RB1: variants seen among roughly 807,000 people sequenced by gnomAD.
The protein encoded by RB1 is retinoblastoma-associated protein.
A neutral mutation model predicts 135.4 loss-of-function variants in RB1; 18 were observed. The ratio of observed to expected loss-of-function variants is 0.13; its 90% CI spans 0.09 to 0.20. The LOEUF is 0.20. Among genes scored for constraint, RB1 ranks in the 10% least tolerant of loss-of-function variants. RB1 has a pLI of 1.00. For synonymous variants in RB1, 365 were observed against 373.2 expected, an observed-to-expected ratio of 0.98 and a Z score of 0.25; for missense variants, 868 against 1,110.0, an observed-to-expected ratio of 0.78 and a Z score of 3.10.
intron 20 of RB1, among the ~76,000 whole-genome samples, chr13:48,460,542 T>A (rs1483336374): frequency 1.3e-5 from 2 of 152,222 alleles, no homozygotes; most frequent in East Asian, 3.8e-4. Context: ...GAAAAAAGCA[T>A]GAGACTTAAG....
At chr13:48,456,737 C>A (rs1949363050) in intron 19 of RB1, among the ~76,000 whole-genome samples, 1 of 152,252 alleles carries the variant, frequency 6.6e-6, no homozygotes, top group African/African-American at 2.4e-5. Flanking sequence ...TGCCCACAGT[C>A]AGAAATGCTG....
At chr13:48,332,895 A>G (rs1416892692) in intron 2 of RB1, 1 of 395,450 alleles carries the variant, frequency 2.5e-6, no homozygotes, top group East Asian at 3.6e-5. Flanking sequence ...TACCTGCATT[A>G]AAGTTTAATT....
chr13:48,477,551 CT>C (rs1357046416), intron 26 of RB1, 147 bp downstream of exon 26: 122 of 705,124 alleles, frequency 1.7e-4, no homozygotes, highest in Admixed American at 4.0e-4. Flanking sequence ...GGTTATTTAT[CT>C]ACAAACATTT....
chr13:48,316,350 C>A (rs1290971614), intron 2 of RB1, among the ~76,000 whole-genome samples: 1 of 152,138 alleles, frequency 6.6e-6, no homozygotes, highest in Non-Finnish European at 1.5e-5. Flanking sequence ...CTGAGCGATT[C>A]CCGGGGAGGG....
At chr13:48,361,926 T>C (rs1952644717) in intron 7 of RB1, among the ~76,000 whole-genome samples, 1 of 148,224 alleles carries the variant, frequency 6.7e-6, no homozygotes, top group Admixed American at 7.0e-5. Context: ...ATACTTTTTA[T>C]ACTTAATCAT....
intron 17 of RB1, among the ~76,000 whole-genome samples, chr13:48,442,401 C>T (rs1593520896): frequency 6.6e-6 from 1 of 151,998 alleles, no homozygotes; most frequent in African/African-American, 2.4e-5. Flanking sequence ...GGGGTTTCAC[C>T]GTGTTAGCCA....
intron 3 of RB1, among the ~76,000 whole-genome samples, chr13:48,343,866 A>G (rs976674820): frequency 2.0e-5 from 3 of 151,974 alleles, no homozygotes; most frequent in Admixed American, 6.6e-5. Flanking sequence ...ATAGCTTGTC[A>G]TGGCTCCCCC....
rs150115447 is a variant in RB1, at chr13:48,380,234, A to T, written c.1491A>T (p.Thr497=). The stretch of plus-strand genomic sequence containing the variant: ...GCGCTCTTGAGGTTGTAATGGCCAC[A>T]TATAGCAGTAAGTTAAATTTTCATA... ...LACALEVVMA[T]YSRSTSQNLD... Residue 497 remains threonine, a synonymous_variant, in exon 16 of 27, where the codon ACA becomes ACT. Transcript: ENST00000267163. 9.1e-5 allele frequency: 145 copies of T among 1,594,370 alleles called. No individual in the cohort carries two copies. The South Asian group carries it at 1.1e-3, about 12-fold the overall frequency.
chr13:48,378,091 A>G (rs1463914502), intron 13 of RB1, among the ~76,000 whole-genome samples: 2 of 152,176 alleles, frequency 1.3e-5, no homozygotes, highest in Non-Finnish European at 2.9e-5. Flanking sequence ...AAGGCCTACA[A>G]TATTACCTAT....
chr13:48,330,786 C>T (rs1428301029), intron 2 of RB1, among the ~76,000 whole-genome samples: 1 of 152,142 alleles, frequency 6.6e-6, no homozygotes, highest in Non-Finnish European at 1.5e-5. Flanking sequence ...GGAAACACTT[C>T]CAAACTCATT....
At chr13:48,406,587 T>G (rs1422703594) in intron 17 of RB1, 3 of 152,244 alleles carry the variant, frequency 2.0e-5, no homozygotes, top group Non-Finnish European at 4.4e-5. Flanking sequence ...CCACAGCTTC[T>G]CAGCACTTAA....
intron 3 of RB1, 124 bp downstream of exon 3, chr13:48,342,838 G>T: frequency 1.5e-6 from 1 of 682,686 alleles, no homozygotes; most frequent in East Asian, 2.7e-5. Context: ...AAAGAACTTG[G>T]ACCAAATAGT....
chr13:48,404,767 C>T (rs148432454), intron 17 of RB1, among the ~76,000 whole-genome samples: 1,894 of 152,030 alleles, frequency 0.012, 43 homozygotes, highest in African/African-American at 0.039. Context: ...CATCGTGATC[C>T]GCCTGCCTCG....
chr13:48,409,735 C>T (rs1278025834), intron 17 of RB1, among the ~76,000 whole-genome samples: 1 of 151,828 alleles, frequency 6.6e-6, no homozygotes, highest in Non-Finnish European at 1.5e-5. Context: ...CATGTGCCAC[C>T]ACACCCAGCT....
intron 17 of RB1, among the ~76,000 whole-genome samples, chr13:48,429,833 C>A (rs748246378): frequency 3.3e-5 from 5 of 151,956 alleles, no homozygotes; most frequent in Non-Finnish European, 7.4e-5. Flanking sequence ...GTACAAAATA[C>A]CTTAGGAATA....
intron 17 of RB1, among the ~76,000 whole-genome samples, chr13:48,439,372 G>A (rs1202508772): frequency 2.0e-5 from 3 of 152,106 alleles, no homozygotes; most frequent in Non-Finnish European, 2.9e-5. Context: ...AATTTTGGTA[G>A]TGAGGTAGTG....
chr13:48,399,191 C>G (rs774864621), intron 17 of RB1, among the ~76,000 whole-genome samples: 3 of 151,890 alleles, frequency 2.0e-5, no homozygotes, highest in Non-Finnish European at 4.4e-5. Flanking sequence ...AGATTGTTTT[C>G]GTAGACTGAA....
At chr13:48,308,407 A>C (rs1211279457) in intron 2 of RB1, among the ~76,000 whole-genome samples, 1 of 152,146 alleles carries the variant, frequency 6.6e-6, no homozygotes. Context: ...TAATCCCAGC[A>C]CTTTGGGAGG....
chr13:48,330,974 G>A (rs2138068444), intron 2 of RB1, among the ~76,000 whole-genome samples: 1 of 152,290 alleles, frequency 6.6e-6, no homozygotes, highest in African/African-American at 2.4e-5. Context: ...GGGATTCAAG[G>A]ATGGTTCAAC....
Sources: gnomAD v4.1 joint callset for allele counts (sites outside exome capture counted in the v4.1 genomes callset) on GRCh38, gnomAD v4.1.1 for gene constraint, MANE v1.5 for transcripts, NCBI Gene and HGNC (gene_info 2026-07-23, HGNC 2026-07-21) for gene names.